The following KCNQ1OT1 variants were observed in gnomAD, a reference collection of about 807,000 sequenced individuals.
KCNQ1OT1 encodes the protein KCNQ1 antisense RNA 2 (non-protein coding).
Position 2,647,608 on chromosome 11 carries a change from T to A in KCNQ1OT1, n.52387A>T. On this transcript the variant is annotated non_coding_transcript_exon_variant, in exon 1 of 1. Transcript: ENST00000597346. The surrounding 1 kb of genome is among the most constrained non-coding windows in gnomAD (Gnocchi z 4.0). ...TCTTTAAAGGTTTGGTAGAATTCAG[T>A]AGAAAACCCGTGCAATCCTGAGGTT... The A allele has an allele frequency of 2.5e-6, 1 of 398,588 alleles. No homozygotes were observed. The allele number at this position is 398,588 out of a possible 1,614,324, so 24.7% of individuals were successfully genotyped here. A position where few individuals can be genotyped will look rare whatever the true frequency, so the allele number is the denominator to read the frequency against.
exon 1 of KCNQ1OT1, chr11:2,699,514 AGGAGAGTGCCGCGCTGAGGAG>A: frequency 1.1e-5 from 2 of 173,978 alleles, no homozygotes; most frequent in Non-Finnish European, 1.8e-5. Flanking sequence ...AGGAGCCCCC[AGGAGAGTGCCGCGCTGAGGAG>A]GCCCAGGGAG....
In KCNQ1OT1 at chr11:2,690,903, C is replaced by G; in HGVS notation, n.9092G>C. 2.5e-6 allele frequency: 1 copy of G among 398,592 alleles called. No homozygotes were observed. The highest frequency in any genetic ancestry group is 4.4e-6 in the Non-Finnish European group (1 of 226,070). The allele number at this position is 398,592 out of a possible 1,614,324, so 24.7% of individuals were successfully genotyped here. ...GCCACTGTTTCCGTCTGGGTTTTGT[C>G]ATGTGTAGGTCCCAGCGGCTTTAAG... On this transcript the variant is annotated non_coding_transcript_exon_variant, in exon 1 of 1. Transcript: ENST00000597346. The surrounding 1 kb of genome is among the most constrained non-coding windows in gnomAD (Gnocchi z 5.1).
chr11:2,684,811 C>T (rs1467459030), exon 1 of KCNQ1OT1: 1 of 398,558 alleles, frequency 2.5e-6, no homozygotes, highest in African/African-American at 2.1e-5. Context: ...CATTCCAAGG[C>T]TTGAGGTCTC....
chr11:2,699,476 A>C, exon 1 of KCNQ1OT1: 1 of 380,840 alleles, frequency 2.6e-6, no homozygotes, highest in Admixed American at 4.6e-5. Flanking sequence ...TGCCGCGCTG[A>C]GGAGCCCCCG....
At chr11:2,681,270 C>CTT in exon 1 of KCNQ1OT1, 1 of 398,578 alleles carries the variant, frequency 2.5e-6, no homozygotes, top group Non-Finnish European at 4.4e-6. Flanking sequence ...GAGAGCTTCA[C>CTT]TTTCTCCCTA....
At position 2,698,751 on chromosome 11, in the gene KCNQ1OT1, G is replaced by A. The variant is rs1176783716; in HGVS notation, n.1244C>T. 7 of 398,478 alleles carry A rather than the reference G, an allele frequency of 1.8e-5. No homozygotes were observed. Among genetic ancestry groups the A allele is most frequent in the Non-Finnish European group, 3.1e-5 (7 of 226,120 alleles). 24.7% of individuals were successfully genotyped at this position (398,478 alleles called of 1,614,324 possible). On this transcript the variant is annotated non_coding_transcript_exon_variant, in exon 1 of 1. Coordinates refer to ENST00000597346, the Ensembl canonical transcript of KCNQ1OT1. This position sits in a 1 kb window ranked among gnomAD's most constrained non-coding sequence, Gnocchi z 5.1. ...CGGACCTCCCTTGGATCTCAACTCAGAGCCATGATGCAGACTCCAGACCGG... is the reference window on the plus strand; with the variant it reads ...CGGACCTCCCTTGGATCTCAACTCAAAGCCATGATGCAGACTCCAGACCGG...
At chr11:2,614,519 A>AT (rs774363391) in exon 1 of KCNQ1OT1, 4 of 398,170 alleles carry the variant, frequency 1.0e-5, no homozygotes, top group Non-Finnish European at 1.8e-5. Flanking sequence ...TTTAACTCTT[A>AT]TTTTTTGGTC....
At chr11:2,675,571 A>G in exon 1 of KCNQ1OT1, 1 of 398,674 alleles carries the variant, frequency 2.5e-6, no homozygotes. Context: ...CATACGTAAC[A>G]GTTTCACTTC....
exon 1 of KCNQ1OT1, chr11:2,666,581 C>T (rs567707799): frequency 2.3e-5 from 9 of 398,646 alleles, no homozygotes; most frequent in African/African-American, 1.8e-4. Context: ...AGGACAGGGC[C>T]AGTCTGTGCT....
At chr11:2,614,091 A>G (rs1400229792) in exon 1 of KCNQ1OT1, 2 of 398,434 alleles carry the variant, frequency 5.0e-6, no homozygotes, top group Non-Finnish European at 8.8e-6. Flanking sequence ...GGTGGTTTCT[A>G]GATGGCAGCT....
At chr11:2,631,025 T>C in exon 1 of KCNQ1OT1, 1 of 398,548 alleles carries the variant, frequency 2.5e-6, no homozygotes, top group Non-Finnish European at 4.4e-6. Context: ...TCTTCCATTT[T>C]TTACATTTTG....
chr11:2,640,672 T>C (rs754416233), exon 1 of KCNQ1OT1: 32 of 398,356 alleles, frequency 8.0e-5, no homozygotes, highest in Non-Finnish European at 1.3e-4. Flanking sequence ...CCTCAATTTA[T>C]CATCTCTATA....
chr11:2,672,088 C>T (rs1850193801), exon 1 of KCNQ1OT1: 1 of 398,728 alleles, frequency 2.5e-6, no homozygotes, highest in South Asian at 1.3e-4. Context: ...GACTGAGCAG[C>T]TGTCTTCTGC....
rs1456443442 is a variant in KCNQ1OT1 at position 2,629,252 on chromosome 11, T to A, written n.70743A>T. On this transcript the variant is annotated non_coding_transcript_exon_variant, in exon 1 of 1. Coordinates refer to ENST00000597346, the Ensembl canonical transcript of KCNQ1OT1. ...CCAGATATCTTTCCATTTATTTGTA[T>A]CATCTTAGAATTTGTTCAATGTTTC... 7.5e-6 allele frequency: 3 copies of A among 398,208 alleles called. No individual in the cohort carries two copies. In the East Asian group the frequency reaches 1.1e-4, roughly 14 times the overall value. 24.7% of individuals were successfully genotyped at this position (398,208 alleles called of 1,614,324 possible). A position where few individuals can be genotyped will look rare whatever the true frequency, so the allele number is the denominator to read the frequency against.
Position 2,674,285 on chromosome 11 carries a change from TTTC to T in KCNQ1OT1, n.25707_25709del, listed in dbSNP as rs898786455. The T allele has an allele frequency of 7.5e-6, 3 of 398,546 alleles. No individual in the cohort carries two copies. In the Admixed American group the frequency reaches 1.3e-4, roughly 18 times the overall value. 24.7% of individuals were successfully genotyped at this position (398,546 alleles called of 1,614,324 possible). ...AGCCCCCGGCACACACACTAGGACC[TTTC>T]TTCATCATGCAGCCGTAGAGCTGGA... On this transcript the variant is annotated non_coding_transcript_exon_variant, in exon 1 of 1. Transcript: ENST00000597346. The surrounding 1 kb of genome is among the most constrained non-coding windows in gnomAD (Gnocchi z 5.9).
exon 1 of KCNQ1OT1, chr11:2,685,067 C>G (rs1338818173): frequency 5.0e-6 from 2 of 398,526 alleles, no homozygotes; most frequent in Admixed American, 8.8e-5. Flanking sequence ...TATGGGACAG[C>G]CTGTGAGAAT....
exon 1 of KCNQ1OT1, chr11:2,638,485 G>C (rs1849516056): frequency 6.6e-6 from 1 of 152,276 alleles, no homozygotes; most frequent in Middle Eastern, 3.4e-3. Context: ...TTTTCTTTAA[G>C]AATGTTGAAT....
In KCNQ1OT1 at chr11:2,674,316, C is replaced by A. The variant is rs182394521; in HGVS notation, n.25679G>T. The A allele has an allele frequency of 5.6e-4, 222 of 398,718 alleles. No individual in the cohort carries two copies. Among genetic ancestry groups the A allele is most frequent in the Non-Finnish European group, 7.6e-4 (171 of 226,168 alleles). 24.7% of individuals were successfully genotyped at this position (398,718 alleles called of 1,614,324 possible). On this transcript the variant is annotated non_coding_transcript_exon_variant, in exon 1 of 1. Transcript: ENST00000597346. The surrounding 1 kb of genome is among the most constrained non-coding windows in gnomAD (Gnocchi z 5.9). The stretch of plus-strand genomic sequence containing the variant: ...CATCATGCAGCCGTAGAGCTGGAGG[C>A]CAAGGACACCCTCTGGAAATCTGAA...
At chr11:2,641,001 T>TCC (rs1849567987) in exon 1 of KCNQ1OT1, 1 of 398,456 alleles carries the variant, frequency 2.5e-6, no homozygotes, top group Admixed American at 4.4e-5. Flanking sequence ...ATGATTTCAT[T>TCC]CTTCTTTGGT....
Sources: gnomAD v4.1 joint callset for allele counts on GRCh38, gnomAD v4.1.1 for gene constraint, Gnocchi (gnomAD v3.1) non-coding constraint, MANE v1.5 for transcripts, NCBI Gene and HGNC (gene_info 2026-07-23, HGNC 2026-07-21) for gene names.